The following DLGAP2 variants were observed in gnomAD, a reference collection of about 807,000 sequenced individuals.
DLGAP2 encodes disks large-associated protein 2.
DLGAP2 carries 26 observed loss-of-function variants against 100.3 expected under a neutral mutation model. The ratio of observed to expected loss-of-function variants is 0.26; its 90% confidence interval spans 0.19 to 0.36. The LOEUF is 0.36. DLGAP2 is among the 10% of genes least tolerant of loss of function. DLGAP2 has a pLI of 1.00. For missense variants in DLGAP2, 1,858 were observed against 1,453.2 expected (o/e 1.28, Z -4.53); for synonymous variants, 886 against 630.1 (o/e 1.41, Z -6.08).
intron 2 of DLGAP2, among the ~76,000 whole-genome samples, chr8:986,911 C>T (rs1425209916): frequency 1.3e-5 from 2 of 152,118 alleles, no homozygotes; most frequent in Non-Finnish European, 2.9e-5. Context: ...CCACCCGTCT[C>T]GACCTTCCAG....
chr8:826,299 A>G (rs147695486), intron 1 of DLGAP2, among the ~76,000 whole-genome samples: 330 of 152,204 alleles, frequency 2.2e-3, no homozygotes, highest in African/African-American at 7.4e-3. Context: ...GCATGCAGAT[A>G]CCTCTTTGAT....
chr8:1,459,001 C>T (rs935462452), intron 3 of DLGAP2, among the ~76,000 whole-genome samples: 5 of 144,142 alleles, frequency 3.5e-5, no homozygotes, highest in Non-Finnish European at 7.7e-5. Context: ...GGTCACCCTA[C>T]AGACCAGCAT....
At chr8:1,049,613 C>G (rs2129032575) in intron 2 of DLGAP2, among the ~76,000 whole-genome samples, 1 of 152,120 alleles carries the variant, frequency 6.6e-6, no homozygotes, top group African/African-American at 2.4e-5. Context: ...TCTGAAATAA[C>G]CACTATTGAC....
At chr8:874,709 A>T (rs184406309) in intron 1 of DLGAP2, among the ~76,000 whole-genome samples, 108 of 152,250 alleles carry the variant, frequency 7.1e-4, no homozygotes, top group African/African-American at 2.5e-3. Flanking sequence ...GGAATGTTGT[A>T]TTGGTGATTG....
At chr8:780,994 C>T (rs1438925194) in intron 1 of DLGAP2, among the ~76,000 whole-genome samples, 1 of 152,188 alleles carries the variant, frequency 6.6e-6, no homozygotes, top group African/African-American at 2.4e-5. Flanking sequence ...CATTTCTCTC[C>T]ATGAGGTTGT....
Position 1,235,547 on chromosome 8 carries a change from A to G in DLGAP2, c.74-23304A>G, listed in dbSNP as rs574013144. Reference sequence around the variant, plus strand: ...AGAGCATCATGTCTAGTTCTCTCACATGGCGCCATGTCTAGTTCTCTCACA... The same window carrying G: ...AGAGCATCATGTCTAGTTCTCTCACGTGGCGCCATGTCTAGTTCTCTCACA... On this transcript the variant is annotated intron_variant, in intron 2 of 14. Transcript: ENST00000637795. Among the ~76,000 whole-genome samples, 44 of 22,654 alleles carry G rather than the reference A, an allele frequency of 1.9e-3. 5 individuals carry two copies. The highest frequency in any genetic ancestry group is 4.6e-3 in the African/African-American group (43 of 9,436). The allele number at this position is 22,654 out of a possible 152,430, so 14.9% of individuals were successfully genotyped here. A position where few individuals can be genotyped will look rare whatever the true frequency, so the allele number is the denominator to read the frequency against.
intron 8 of DLGAP2, among the ~76,000 whole-genome samples, chr8:1,646,406 T>A (rs1213350508): frequency 1.3e-5 from 2 of 152,116 alleles, no homozygotes; most frequent in African/African-American, 4.8e-5. Context: ...TTCCTTACCA[T>A]CTCTCTCTAT....
In DLGAP2 at chr8:1,348,828, C is replaced by T. The variant is rs1485482293; in HGVS notation, c.106+89945C>T. Among the ~76,000 whole-genome samples the T allele has an allele frequency of 2.3e-4, 35 of 152,246 alleles. 1 individual carries two copies. On this transcript the variant is annotated intron_variant, in intron 3 of 14. Transcript: ENST00000637795. ...TGATGGATTCAGCACCAGCCAGTAT[C>T]AGTCCCCACCTCACGTTGGCTGCTT...
chr8:1,269,618 G>T (rs889574219), intron 3 of DLGAP2, among the ~76,000 whole-genome samples: 2 of 152,068 alleles, frequency 1.3e-5, no homozygotes, highest in Non-Finnish European at 2.9e-5. Context: ...TACCCATTAC[G>T]AAGGAGTGAA....
intron 3 of DLGAP2, among the ~76,000 whole-genome samples, chr8:1,366,231 A>C (rs1802105445): frequency 6.6e-6 from 1 of 152,208 alleles, no homozygotes; most frequent in Non-Finnish European, 1.5e-5. Flanking sequence ...ATATTCATGC[A>C]TTTGTTTATT....
intron 4 of DLGAP2, among the ~76,000 whole-genome samples, chr8:1,513,809 T>A (rs1800264520): frequency 6.6e-6 from 1 of 152,178 alleles, no homozygotes; most frequent in Non-Finnish European, 1.5e-5. Context: ...CATGGTCACG[T>A]TCGTACAGTC....
intron 2 of DLGAP2, among the ~76,000 whole-genome samples, chr8:1,033,492 C>G (rs1017255333): frequency 1.3e-5 from 2 of 152,126 alleles, no homozygotes; most frequent in African/African-American, 4.8e-5. Context: ...CATGGCAAAA[C>G]CCTATCTCTG....
At chr8:818,076 C>T (rs73532311) in intron 1 of DLGAP2, among the ~76,000 whole-genome samples, 1,938 of 152,152 alleles carry the variant, frequency 0.013, 55 homozygotes, top group African/African-American at 0.045. Context: ...ATATTATGAC[C>T]TCTGTTTCAG....
intron 2 of DLGAP2, among the ~76,000 whole-genome samples, chr8:1,044,302 A>G (rs1802456293): frequency 6.6e-6 from 1 of 152,254 alleles, no homozygotes; most frequent in Non-Finnish European, 1.5e-5. Flanking sequence ...CATGATTGCA[A>G]ACTCTCCCTG....
intron 10 of DLGAP2, among the ~76,000 whole-genome samples, chr8:1,673,887 C>A (rs544649969): frequency 6.6e-6 from 1 of 151,824 alleles, no homozygotes; most frequent in Non-Finnish European, 1.5e-5. Flanking sequence ...AGGAAAACTT[C>A]CTTTTACTTT....
Position 1,675,318 on chromosome 8 carries a change from G to A in DLGAP2, c.2203-1215G>A, listed in dbSNP as rs1798786874. ...CCCTAGCCCTGACCCCAACCAGGGCGCGCTCCTGAGCAAGTCACCCCCCTC... is the reference window on the plus strand; with the variant it reads ...CCCTAGCCCTGACCCCAACCAGGGCACGCTCCTGAGCAAGTCACCCCCCTC... On this transcript the variant is annotated intron_variant, in intron 10 of 14. Coordinates refer to ENST00000637795, the MANE Select transcript of DLGAP2 (RefSeq NM_001346810.2). Among the ~76,000 whole-genome samples the A allele has an allele frequency of 2.0e-5, 3 of 152,216 alleles. No individual in the cohort carries two copies. In the South Asian group the frequency reaches 6.2e-4, roughly 32 times the overall value.
intron 2 of DLGAP2, among the ~76,000 whole-genome samples, chr8:1,121,013 T>G (rs2129047552): frequency 6.7e-6 from 1 of 149,800 alleles, no homozygotes; most frequent in African/African-American, 2.5e-5. Context: ...CCTTATCCCT[T>G]TAGAACCCCT....
intron 1 of DLGAP2, among the ~76,000 whole-genome samples, chr8:896,618 C>A (rs1335543649): frequency 2.6e-5 from 4 of 152,208 alleles, no homozygotes; most frequent in Middle Eastern, 6.8e-3. Context: ...GAGGGTGGGG[C>A]CCCCATGTTG....
At chr8:1,580,423 G>A (rs1213424788) in intron 6 of DLGAP2, among the ~76,000 whole-genome samples, 11 of 152,180 alleles carry the variant, frequency 7.2e-5, no homozygotes, top group South Asian at 2.1e-4. Context: ...ATTACCCAGC[G>A]GAGGCTCGAA....
Sources: allele counts gnomAD v4.1 joint callset (sites outside exome capture counted in the v4.1 genomes callset), GRCh38; gene constraint gnomAD v4.1.1; transcripts MANE v1.5; gene names NCBI Gene and HGNC (gene_info 2026-07-23, HGNC 2026-07-21).